Variants in ARB2A observed in about 807,000 individuals in gnomAD.
The protein encoded by ARB2A is cotranscriptional regulator ARB2A.
At chr5:94,042,995 G>T in the ARB2A span, among the ~76,000 whole-genome samples, 1 of 151,860 alleles carries the variant, frequency 6.6e-6, no homozygotes, top group African/African-American at 2.4e-5. Flanking sequence ...TCGTGTTTTT[G>T]ACTGTGGCTG....
chr5:93,922,164 C>T, the ARB2A span, among the ~76,000 whole-genome samples: 1 of 152,082 alleles, frequency 6.6e-6, no homozygotes, highest in Non-Finnish European at 1.5e-5. Context: ...GCCATGAAAG[C>T]CATCAAGCCT....
chr5:94,108,835 AAG>A, the ARB2A span, among the ~76,000 whole-genome samples: 1 of 152,186 alleles, frequency 6.6e-6, no homozygotes. Context: ...TGCTGTGGAA[AAG>A]AGTGTGTCAA....
the ARB2A span, among the ~76,000 whole-genome samples, chr5:93,727,193 C>G: frequency 6.6e-6 from 1 of 151,942 alleles, no homozygotes; most frequent in Middle Eastern, 3.4e-3. Flanking sequence ...TGGATAATTT[C>G]CCAAATAAAC....
chr5:93,785,885 A>G, the ARB2A span, among the ~76,000 whole-genome samples: 2 of 152,172 alleles, frequency 1.3e-5, no homozygotes, highest in African/African-American at 4.8e-5. Context: ...ACCTTCTTCT[A>G]GATTTTATTT....
the ARB2A span, among the ~76,000 whole-genome samples, chr5:93,850,190 A>G: frequency 4.6e-5 from 7 of 152,320 alleles, no homozygotes; most frequent in South Asian, 1.5e-3. Flanking sequence ...GTGTGCACGT[A>G]TATGTCCAAG....
the ARB2A span, among the ~76,000 whole-genome samples, chr5:93,815,429 T>C: frequency 6.6e-6 from 1 of 152,154 alleles, no homozygotes; most frequent in South Asian, 2.1e-4. Context: ...ATTTCCTTTA[T>C]TGCCATAGAA....
the ARB2A span, among the ~76,000 whole-genome samples, chr5:93,996,758 G>A: frequency 6.6e-6 from 1 of 151,882 alleles, no homozygotes; most frequent in Non-Finnish European, 1.5e-5. Flanking sequence ...TAAATTTGTT[G>A]TTATATTCTA....
the ARB2A span, among the ~76,000 whole-genome samples, chr5:93,949,256 C>G: frequency 6.6e-6 from 1 of 151,848 alleles, no homozygotes; most frequent in Non-Finnish European, 1.5e-5. Context: ...CAGGCGTGAG[C>G]CACTTCTCCC....
chr5:93,649,382 C>T, the ARB2A span, among the ~76,000 whole-genome samples: 4 of 152,106 alleles, frequency 2.6e-5, no homozygotes, highest in Non-Finnish European at 5.9e-5. Flanking sequence ...AAGAAGAGCT[C>T]TGCACTGAGT....
At chr5:93,663,253 TAAAAC>T in the ARB2A span, among the ~76,000 whole-genome samples, 2 of 152,234 alleles carry the variant, frequency 1.3e-5, no homozygotes, top group African/African-American at 4.8e-5. Context: ...AATCAAGTGA[TAAAAC>T]AATTCGCTTA....
the ARB2A span, chr5:93,683,003 C>G: frequency 6.3e-7 from 1 of 1,580,636 alleles, no homozygotes; most frequent in Non-Finnish European, 8.6e-7. Flanking sequence ...AGAACTAGGT[C>G]CTTTTGGTGT....
chr5:93,985,494 C>T, the ARB2A span, among the ~76,000 whole-genome samples: 234 of 152,142 alleles, frequency 1.5e-3, no homozygotes, highest in African/African-American at 5.4e-3. Context: ...GACTGTATTG[C>T]CGCGATCTCC....
chr5:94,081,948 C>A, the ARB2A span, among the ~76,000 whole-genome samples: 2 of 152,270 alleles, frequency 1.3e-5, no homozygotes, highest in South Asian at 4.1e-4. Context: ...AGACTTCAGG[C>A]AGACTCATTT....
chr5:93,949,610 G>C, the ARB2A span, among the ~76,000 whole-genome samples: 4 of 151,670 alleles, frequency 2.6e-5, no homozygotes, highest in African/African-American at 4.8e-5. Flanking sequence ...AGGTAAACGG[G>C]GTGTCCATCA....
chr5:93,951,982 G>A, the ARB2A span, among the ~76,000 whole-genome samples: 1 of 152,106 alleles, frequency 6.6e-6, no homozygotes, highest in African/African-American at 2.4e-5. Context: ...ATGAACCCAA[G>A]GTCACACATG....
chr5:93,821,624 A>C, the ARB2A span, among the ~76,000 whole-genome samples: 177 of 152,166 alleles, frequency 1.2e-3, no homozygotes, highest in African/African-American at 4.0e-3. Flanking sequence ...AAACTGAATA[A>C]CATTTTTTTT....
chr5:93,659,831 T>C, the ARB2A span, among the ~76,000 whole-genome samples: 2 of 152,144 alleles, frequency 1.3e-5, no homozygotes, highest in African/African-American at 4.8e-5. Flanking sequence ...TCCACTCATT[T>C]GTTAACTTAT....
chr5:93,829,581 T>C, the ARB2A span, among the ~76,000 whole-genome samples: 1 of 152,308 alleles, frequency 6.6e-6, no homozygotes, highest in East Asian at 1.9e-4. Context: ...TGTCTTCTTG[T>C]TCATTAAATC....
chr5:93,668,759 C>A, the ARB2A span, among the ~76,000 whole-genome samples: 1 of 152,036 alleles, frequency 6.6e-6, no homozygotes, highest in Admixed American at 6.6e-5. Context: ...AAAAGCTATT[C>A]TTATCAAAGT....
Sources: allele counts gnomAD v4.1 joint callset (sites outside exome capture counted in the v4.1 genomes callset), GRCh38; gene constraint gnomAD v4.1.1; transcripts MANE v1.5; gene names NCBI Gene and HGNC (gene_info 2026-07-23, HGNC 2026-07-21).